Variants in HEATR5B observed in about 807,000 individuals in gnomAD.
The protein encoded by HEATR5B is HEAT repeat containing 5B, also known as HEAT repeat-containing protein 5B.
In HEATR5B, 156 loss-of-function variants were observed where a neutral mutation model predicts 224.1. That is an observed-to-expected ratio of 0.70 (90% CI 0.61 to 0.80). HEATR5B has a LOEUF of 0.80. Among genes scored for constraint, HEATR5B ranks in the 30% least tolerant of loss-of-function variants. HEATR5B has a pLI of 0.00. For missense variants in HEATR5B, 2,323 were observed against 2,535.5 expected (o/e 0.92, Z 1.80); for synonymous variants, 1,027 against 893.0 (o/e 1.15, Z -2.68).
At chr2:37,004,940 A>G (rs1387489359) in intron 30 of HEATR5B, among the ~76,000 whole-genome samples, 2 of 152,060 alleles carry the variant, frequency 1.3e-5, no homozygotes, top group Admixed American at 6.6e-5. Flanking sequence ...TCTCTTACAA[A>G]CCAACCTACC....
intron 33 of HEATR5B, among the ~76,000 whole-genome samples, chr2:36,997,879 C>G (rs1666835809): frequency 6.6e-6 from 1 of 152,142 alleles, no homozygotes; most frequent in Admixed American, 6.6e-5. Flanking sequence ...CTCTGCCATT[C>G]TAACGTAAAA....
intron 35 of HEATR5B, among the ~76,000 whole-genome samples, chr2:36,984,632 T>G (rs11895180): frequency 0.22 from 34,152 of 151,848 alleles, 4,614 homozygotes; most frequent in East Asian, 0.64. Context: ...GAAAATAATA[T>G]GAACAATGTA....
At chr2:36,981,968 C>T (rs1307948843) in intron 35 of HEATR5B, among the ~76,000 whole-genome samples, 174 bp from the exon 36 acceptor site, 1 of 151,070 alleles carries the variant, frequency 6.6e-6, no homozygotes, top group Admixed American at 6.6e-5. Context: ...AATGTACAAG[C>T]TGGAAACCAG....
chr2:37,011,450 C>T (rs924606988), intron 27 of HEATR5B, among the ~76,000 whole-genome samples: 1 of 152,078 alleles, frequency 6.6e-6, no homozygotes, highest in African/African-American at 2.4e-5. Context: ...TGCATTTTTC[C>T]TCGACTTATA....
chr2:37,009,254 C>CT (rs1463394414), intron 27 of HEATR5B, among the ~76,000 whole-genome samples: 3 of 81,550 alleles, frequency 3.7e-5, no homozygotes, highest in Non-Finnish European at 6.2e-5. Flanking sequence ...GAGACTCTGT[C>CT]TCAAAAAAAA....
rs17497654 is a variant in HEATR5B at position 37,003,591 on chromosome 2, C to T, written c.5001G>A (p.Gln1667=). Residue 1667 remains glutamine, a synonymous_variant, in exon 31 of 36, where the codon CAG becomes CAA. Transcript: ENST00000233099. ...AATAATCCTGAGCAGCTCTTACTAT[C>T]TGTTGTACAACTCCAGTAACCAACA... The part of the protein sequence containing the change: ...VQLLVTGVVQ[Q]IVRAAQDYLQ... 0.15 allele frequency: 241,610 copies of T among 1,610,082 alleles called. 19,470 individuals are homozygous for T. Among genetic ancestry groups the T allele is most frequent in the African/African-American group, 0.21 (15,612 of 74,854 alleles).
chr2:37,014,081 G>A, intron 26 of HEATR5B, 61 bp from the exon 27 acceptor site: 2 of 955,518 alleles, frequency 2.1e-6, no homozygotes, highest in Non-Finnish European at 1.5e-6. Context: ...TAAGAAAATG[G>A]AATAAATGAC....
In HEATR5B at chr2:37,075,497, A is replaced by C; in HGVS notation, c.585T>G (p.Cys195Trp). The change falls in exon 5 of 36, where the codon TGT (cysteine) becomes TGG (tryptophan). Residue 195 changes from cysteine (C) to tryptophan (W), a missense_variant. Cys to Trp is a radical substitution (Grantham distance 215). Around this residue, in one of 12 missense-constraint regions of HEATR5B, gnomAD observed 292 missense variants for 332.6 expected, o/e 0.88. Coordinates refer to ENST00000233099, the MANE Select transcript of HEATR5B (RefSeq NM_019024.3). ...LLTDRSMAVR[C>W]AVAKCLLELQ... is the part of the protein sequence containing the mutation. ...GTCGAGTACTAACCTTGGCCACTGCACATCGAACAGCCATTGACCTATCAG... is the reference window on the plus strand; with the variant it reads ...GTCGAGTACTAACCTTGGCCACTGCCCATCGAACAGCCATTGACCTATCAG... 1 of 1,612,882 alleles carries C rather than the reference A, an allele frequency of 6.2e-7. No individual in the cohort carries two copies. Among genetic ancestry groups the C allele is most frequent in the Non-Finnish European group, 8.5e-7 (1 of 1,179,382 alleles).
chr2:36,997,712 GC>G (rs1666820371), intron 33 of HEATR5B, among the ~76,000 whole-genome samples: 1 of 151,964 alleles, frequency 6.6e-6, no homozygotes, highest in Non-Finnish European at 1.5e-5. Flanking sequence ...GACTACAGGC[GC>G]CCGCCACCAC....
intron 18 of HEATR5B, among the ~76,000 whole-genome samples, chr2:37,048,193 T>C (rs895110455): frequency 1.3e-5 from 2 of 151,556 alleles, no homozygotes; most frequent in African/African-American, 4.8e-5. Context: ...ACATTGTTTT[T>C]TTTTTTTTTG....
chr2:37,020,562 C>G, intron 25 of HEATR5B, 93 bp downstream of exon 25: 1 of 815,356 alleles, frequency 1.2e-6, no homozygotes, highest in Non-Finnish European at 1.9e-6. Context: ...AAACAGATTG[C>G]AGTTCCAAAT....
At chr2:37,030,120 T>TA (rs1669033850) in intron 22 of HEATR5B, among the ~76,000 whole-genome samples, 6 of 152,114 alleles carry the variant, frequency 3.9e-5, no homozygotes, top group Admixed American at 3.3e-4. Flanking sequence ...TGAGTATTAT[T>TA]ACGCCCTCTG....
chr2:37,056,832 C>T (rs1670940667), intron 15 of HEATR5B, among the ~76,000 whole-genome samples: 1 of 152,132 alleles, frequency 6.6e-6, no homozygotes, highest in Non-Finnish European at 1.5e-5. Context: ...TTTATTCATT[C>T]GAAAACATAT....
At chr2:37,045,467 T>A (rs1375938400) in intron 18 of HEATR5B, among the ~76,000 whole-genome samples, 2 of 152,188 alleles carry the variant, frequency 1.3e-5, no homozygotes, top group Non-Finnish European at 2.9e-5. Flanking sequence ...ACTGAAGCAA[T>A]ATCGTTCCGA....
chr2:37,063,091 C>T (rs899177735), intron 10 of HEATR5B, among the ~76,000 whole-genome samples: 5 of 152,168 alleles, frequency 3.3e-5, no homozygotes, highest in South Asian at 2.1e-4. Context: ...TGAGCCACCA[C>T]GCCCAGGCAA....
intron 21 of HEATR5B, among the ~76,000 whole-genome samples, chr2:37,037,648 A>G (rs1415616799): frequency 6.6e-6 from 1 of 152,240 alleles, no homozygotes; most frequent in African/African-American, 2.4e-5. Context: ...ATAACTATGG[A>G]TTATTTATAA....
At chr2:37,029,481 T>G (rs1668983121) in intron 22 of HEATR5B, among the ~76,000 whole-genome samples, 1 of 151,604 alleles carries the variant, frequency 6.6e-6, no homozygotes, top group African/African-American at 2.4e-5. Flanking sequence ...CTGGCCAACA[T>G]GGCGAAACCC....
At chr2:37,031,828 C>A (rs2148471791) in intron 22 of HEATR5B, among the ~76,000 whole-genome samples, 1 of 152,152 alleles carries the variant, frequency 6.6e-6, no homozygotes, top group South Asian at 2.1e-4. Flanking sequence ...GGGGAAATAT[C>A]TCTGTCAATT....
intron 11 of HEATR5B, 22 bp from the exon 12 acceptor site, chr2:37,060,755 C>T (rs200851591): frequency 6.2e-7 from 1 of 1,605,888 alleles, no homozygotes; most frequent in Non-Finnish European, 8.5e-7. Context: ...AATGAGAATA[C>T]AAAACCATGT....
Sources: gnomAD v4.1 joint callset for allele counts (sites outside exome capture counted in the v4.1 genomes callset) on GRCh38, gnomAD v4.1.1 for gene constraint, gnomAD v4.1.1 regional missense constraint, MANE v1.5 for transcripts, NCBI Gene and HGNC (gene_info 2026-07-23, HGNC 2026-07-21) for gene names.